The following SPATA9 variants were observed in gnomAD, a reference collection of about 807,000 sequenced individuals.
The protein encoded by SPATA9 is spermatogenesis-associated protein 9.
A neutral mutation model predicts 25.5 loss-of-function variants in SPATA9; 27 were observed. The observed-to-expected ratio is 1.06, with a 90% CI of 0.78 to 1.46. The LOEUF (loss-of-function observed/expected upper bound fraction) is 1.46, where lower values mean the gene tolerates loss of function less well. Ranked by LOEUF, SPATA9 falls within the 40% of genes most tolerant of loss-of-function variation. SPATA9 has a pLI of 0.00. For missense variants in SPATA9, 282 were observed against 297.5 expected (o/e 0.95, Z 0.38); for synonymous variants, 102 against 105.7 (o/e 0.97, Z 0.21).
intron 2 of SPATA9, among the ~76,000 whole-genome samples, chr5:95,677,271 G>T (rs190992551): frequency 2.0e-3 from 311 of 152,190 alleles, no homozygotes; most frequent in African/African-American, 6.8e-3. Flanking sequence ...CATTTAGCTT[G>T]CTTCTTTTTC....
chr5:95,720,219 A>G, the SPATA9 span, among the ~76,000 whole-genome samples: 2 of 152,358 alleles, frequency 1.3e-5, no homozygotes, highest in East Asian at 1.9e-4. Flanking sequence ...AGCCTTGGAT[A>G]ATGTGACTTA....
At chr5:95,703,876 T>A in the SPATA9 span, among the ~76,000 whole-genome samples, 106,641 of 152,048 alleles carry the variant, frequency 0.7, 38,335 homozygotes, top group East Asian at 0.97. Flanking sequence ...TTTGGGTAAT[T>A]AAAATATATT....
intron 1 of SPATA9, among the ~76,000 whole-genome samples, chr5:95,690,169 T>C (rs10038659): frequency 0.21 from 31,766 of 151,904 alleles, 3,907 homozygotes; most frequent in African/African-American, 0.35. Context: ...ACACATGAAC[T>C]GCTAAAATAA....
At chr5:95,693,392 AAATG>A (rs140485717) in intron 1 of SPATA9, among the ~76,000 whole-genome samples, 112 of 152,386 alleles carry the variant, frequency 7.3e-4, no homozygotes, top group Non-Finnish European at 1.4e-3. Flanking sequence ...ACAGCAATAA[AAATG>A]AATGAATTAT....
chr5:95,665,148 G>C (rs1459234734), intron 3 of SPATA9, among the ~76,000 whole-genome samples: 1 of 152,126 alleles, frequency 6.6e-6, no homozygotes, highest in Admixed American at 6.5e-5. Flanking sequence ...GTTATATAAT[G>C]ATCCAATCAG....
At chr5:95,679,090 G>A (rs1753196594) in intron 2 of SPATA9, among the ~76,000 whole-genome samples, 2 of 152,194 alleles carry the variant, frequency 1.3e-5, no homozygotes, top group South Asian at 4.1e-4. Flanking sequence ...CATGCTTATG[G>A]TTCTAATGAT....
chr5:95,720,654 T>C, the SPATA9 span, among the ~76,000 whole-genome samples: 1 of 152,348 alleles, frequency 6.6e-6, no homozygotes, highest in Admixed American at 6.5e-5. Flanking sequence ...CTGTTTTGTT[T>C]GTATTACATT....
At chr5:95,665,384 T>C (rs1751685531) in intron 3 of SPATA9, among the ~76,000 whole-genome samples, 1 of 152,180 alleles carries the variant, frequency 6.6e-6, no homozygotes, top group Admixed American at 6.6e-5. Flanking sequence ...CCCTACCTAG[T>C]CTCTGGTAAC....
chr5:95,713,901 C>T, the SPATA9 span, among the ~76,000 whole-genome samples: 2 of 151,752 alleles, frequency 1.3e-5, no homozygotes, highest in Non-Finnish European at 2.9e-5. Flanking sequence ...TATATGCACA[C>T]AAATACACAT....
the SPATA9 span, among the ~76,000 whole-genome samples, chr5:95,721,764 T>G: frequency 2.2e-5 from 3 of 137,754 alleles, no homozygotes; most frequent in African/African-American, 8.2e-5. Context: ...CAGGAGAGAG[T>G]AATCAGCAGG....
chr5:95,727,667 G>C, the SPATA9 span, among the ~76,000 whole-genome samples: 5 of 152,104 alleles, frequency 3.3e-5, no homozygotes, highest in Non-Finnish European at 7.4e-5. Flanking sequence ...GTGCTGATGA[G>C]AGAAACTGCA....
the SPATA9 span, chr5:95,731,416 G>T: frequency 8.4e-7 from 1 of 1,189,452 alleles, no homozygotes; most frequent in African/African-American, 1.6e-5. Flanking sequence ...GGGCTGTGCG[G>T]CGGTCCCGCG....
At chr5:95,657,772 G>GTTT, downstream of SPATA9, 1 of 152,058 alleles carries the variant, frequency 6.6e-6, no homozygotes, top group Non-Finnish European at 1.5e-5. Flanking sequence ...TATAGATACT[G>GTTT]TTTGTGGTAG....
upstream of SPATA9, among the ~76,000 whole-genome samples, chr5:95,686,421 G>T (rs776758273): frequency 1.3e-5 from 2 of 151,312 alleles, no homozygotes; most frequent in Non-Finnish European, 2.9e-5. Context: ...GTAGTAAAAA[G>T]CCCCCAAAAC....
chr5:95,663,703 A>G (rs907149527), intron 4 of SPATA9, among the ~76,000 whole-genome samples: 12 of 152,170 alleles, frequency 7.9e-5, no homozygotes, highest in Admixed American at 7.9e-4. Context: ...AAAACTAAAA[A>G]TTCTTGACCA....
chr5:95,703,931 T>G, the SPATA9 span, among the ~76,000 whole-genome samples: 1 of 152,160 alleles, frequency 6.6e-6, no homozygotes, highest in Non-Finnish European at 1.5e-5. Flanking sequence ...AGAAATGGAC[T>G]TTTTCATTTT....
the SPATA9 span, among the ~76,000 whole-genome samples, chr5:95,720,385 G>A: frequency 6.6e-6 from 1 of 152,184 alleles, no homozygotes; most frequent in African/African-American, 2.4e-5. Context: ...TTAGCAAAAC[G>A]TTGTTGTAAT....
intron 3 of SPATA9, 85 bp downstream of exon 3, chr5:95,675,327 A>G: frequency 9.1e-7 from 1 of 1,096,102 alleles, no homozygotes; most frequent in Non-Finnish European, 1.3e-6. Flanking sequence ...TGGACAATCA[A>G]GTTCACCACA....
chr5:95,689,229 C>T (rs1049144378), intron 1 of SPATA9, among the ~76,000 whole-genome samples: 3 of 152,034 alleles, frequency 2.0e-5, no homozygotes, highest in Non-Finnish European at 2.9e-5. Context: ...GTAAATAATA[C>T]CGACTATATT....
Sources: gnomAD v4.1 joint callset for allele counts (sites outside exome capture counted in the v4.1 genomes callset) on GRCh38, gnomAD v4.1.1 for gene constraint, MANE v1.5 for transcripts, NCBI Gene and HGNC (gene_info 2026-07-23, HGNC 2026-07-21) for gene names.